HFM1: variants seen among roughly 807,000 people sequenced by gnomAD.
HFM1 encodes the protein helicase for meiosis 1, also known as probable ATP-dependent DNA helicase HFM1.
Under a neutral mutation model 192.1 loss-of-function variants are expected in HFM1, and 169 were observed. The ratio of observed to expected loss-of-function variants is 0.88; its 90% CI spans 0.78 to 1.00. The LOEUF is 1.00. HFM1 is among the 50% of genes least tolerant of loss of function. The pLI is 0.00. For synonymous variants in HFM1, 525 were observed against 537.8 expected (o/e 0.98, Z 0.33); for missense variants, 1,661 against 1,668.0 (o/e 1.00, Z 0.07).
At chr1:91,371,898 A>G (rs1571151336) in intron 13 of HFM1, among the ~76,000 whole-genome samples, 1 of 152,158 alleles carries the variant, frequency 6.6e-6, no homozygotes, top group Non-Finnish European at 1.5e-5. Context: ...CAAGAAAAAA[A>G]CAAACAACCC....
intron 13 of HFM1, among the ~76,000 whole-genome samples, chr1:91,372,123 C>A (rs1453499260): frequency 9.2e-5 from 14 of 152,176 alleles, no homozygotes; most frequent in Non-Finnish European, 1.9e-4. Flanking sequence ...AATAGGAACA[C>A]TTTTACACTG....
At chr1:91,379,417 C>T (rs930257617) in intron 8 of HFM1, among the ~76,000 whole-genome samples, 9 of 152,060 alleles carry the variant, frequency 5.9e-5, no homozygotes, top group Non-Finnish European at 1.0e-4. Context: ...GGAAGAAGAA[C>T]TGTATTGAGC....
chr1:91,367,896 G>C (rs920589939), intron 13 of HFM1, among the ~76,000 whole-genome samples: 1 of 152,156 alleles, frequency 6.6e-6, no homozygotes, highest in African/African-American at 2.4e-5. Flanking sequence ...CCAACGCAGA[G>C]AAGTCCTTAA....
chr1:91,321,813 TATACTACCCAA>T (rs1652158933), intron 23 of HFM1, among the ~76,000 whole-genome samples: 1 of 152,206 alleles, frequency 6.6e-6, no homozygotes, highest in Non-Finnish European at 1.5e-5. Context: ...ATCAAAAGAA[TATACTACCCAA>T]TTTAAGGCAA....
chr1:91,373,031 C>G (rs1660442341), intron 13 of HFM1, among the ~76,000 whole-genome samples: 1 of 151,756 alleles, frequency 6.6e-6, no homozygotes, highest in African/African-American at 2.4e-5. Context: ...CTAAGAAGAT[C>G]AAGTTAAATC....
intron 15 of HFM1, 113 bp downstream of exon 15, chr1:91,352,938 T>C (rs1045225578): frequency 2.9e-6 from 2 of 696,072 alleles, no homozygotes; most frequent in Non-Finnish European, 4.8e-6. Flanking sequence ...TAATTTTATA[T>C]TCTCAGAAGA....
chr1:91,304,110 C>T (rs1037852949), intron 30 of HFM1, among the ~76,000 whole-genome samples: 3 of 152,146 alleles, frequency 2.0e-5, no homozygotes, highest in Non-Finnish European at 4.4e-5. Context: ...CCGCCTCGGC[C>T]TCCCAAAGTG....
chr1:91,349,665 C>T (rs1656667255), intron 18 of HFM1, among the ~76,000 whole-genome samples: 1 of 152,156 alleles, frequency 6.6e-6, no homozygotes, highest in African/African-American at 2.4e-5. Flanking sequence ...CCCAGGAAAG[C>T]CTTCAGATGA....
chr1:91,361,618 A>G lies in HFM1; in HGVS notation c.1686-8319T>C, dbSNP rs554174130. ...GAAAGATCCACAGCTAAATTCTACC[A>G]TGGGTACAAAGAAAAGCTGTCACCA... On this transcript the variant is annotated intron_variant, in intron 13 of 38. Transcript: ENST00000370425. Among the ~76,000 whole-genome samples the G allele has an allele frequency of 6.6e-5, 10 of 152,310 alleles. No individual in the cohort carries two copies. In the East Asian group the frequency reaches 1.4e-3, roughly 21 times the overall value.
chr1:91,385,039 G>A (rs966373674), intron 6 of HFM1, 148 bp downstream of exon 6: 38 of 561,734 alleles, frequency 6.8e-5, no homozygotes, highest in African/African-American at 1.4e-4. Flanking sequence ...CACCGCACCC[G>A]GCCACATGTA....
At chr1:91,352,312 A>G (rs553532879) in intron 16 of HFM1, among the ~76,000 whole-genome samples, 194 bp downstream of exon 16, 1 of 151,758 alleles carries the variant, frequency 6.6e-6, no homozygotes, top group East Asian at 1.9e-4. Context: ...AGCCAAGACA[A>G]GCTTAGACAG....
rs371071817 is a variant in HFM1, at chr1:91,375,530, A to G, written c.1593T>C (p.Leu531=). The change falls in exon 12 of 39, where the codon CTT becomes CTC. Residue 531 remains leucine (L), a synonymous_variant. Coordinates refer to ENST00000370425, the MANE Select transcript of HFM1 (RefSeq NM_001017975.6). The part of the protein sequence containing the change: ...IQMYSDQKPT[L]VFCATRKGVQ... ...ATAAGCTATCAACAATCCATACCAC[A>G]AGTGTGGGTTTCTGATCAGAGTACA... 6.2e-6 allele frequency: 10 copies of G among 1,612,430 alleles called. No homozygotes were observed. Among genetic ancestry groups the G allele is most frequent in the South Asian group, 3.3e-5 (3 of 91,026 alleles).
intron 30 of HFM1, among the ~76,000 whole-genome samples, chr1:91,293,433 A>C (rs1098480): frequency 5.3e-5 from 8 of 151,574 alleles, no homozygotes; most frequent in Admixed American, 3.9e-4. Context: ...ATGCAGCCAA[A>C]AAACACATGA....
chr1:91,406,175 G>C (rs999353389), upstream of HFM1, among the ~76,000 whole-genome samples: 1 of 152,230 alleles, frequency 6.6e-6, no homozygotes, highest in African/African-American at 2.4e-5. Flanking sequence ...CCAGGAAGGA[G>C]GCCCTCGCCA....
At chr1:91,338,274 C>T (rs1654858075) in intron 20 of HFM1, among the ~76,000 whole-genome samples, 1 of 152,206 alleles carries the variant, frequency 6.6e-6, no homozygotes, top group Non-Finnish European at 1.5e-5. Flanking sequence ...CAGTGGAGTA[C>T]AGTCAGGAAT....
intron 30 of HFM1, among the ~76,000 whole-genome samples, chr1:91,301,390 ATCAAGC>A (rs1462710214): frequency 1.6e-5 from 2 of 128,354 alleles, no homozygotes; most frequent in African/African-American, 5.9e-5. Context: ...TGCCATCCCC[ATCAAGC>A]TACAAATGAC....
intron 20 of HFM1, among the ~76,000 whole-genome samples, chr1:91,340,832 T>C (rs1212014644): frequency 2.0e-5 from 3 of 151,718 alleles, no homozygotes; most frequent in South Asian, 2.1e-4. Flanking sequence ...ACCTTAACTA[T>C]CAAAAAGGAC....
At chr1:91,272,073 T>C (rs1395687010) in intron 34 of HFM1, among the ~76,000 whole-genome samples, 1 of 152,172 alleles carries the variant, frequency 6.6e-6, no homozygotes, top group Non-Finnish European at 1.5e-5. Flanking sequence ...TGCCATGCTT[T>C]TTAAAAAACA....
Position 91,267,806 on chromosome 1 carries a change from A to C in HFM1, c.3822T>G (p.Phe1274Leu). Residue 1274 changes from phenylalanine (F) to leucine (L), a missense_variant, in exon 35 of 39, where the codon TTT becomes TTG. By Grantham distance (22) the Phe-to-Leu change is conservative. Transcript: ENST00000370425. Reference sequence around the variant, plus strand: ...TAGTAACTTCTAAGTTTTCATCATCAAAATCATCCCAAACTTCATTTCCCA... The same window carrying C: ...TAGTAACTTCTAAGTTTTCATCATCCAAATCATCCCAAACTTCATTTCCCA... ...FELGNEVWDD[F>L]DDENLEVTSF... is the part of the protein sequence containing the mutation. 1.3e-6 allele frequency: 2 copies of C among 1,581,796 alleles called. No individual in the cohort carries two copies. Among genetic ancestry groups the C allele is most frequent in the Middle Eastern group, 1.7e-4 (1 of 5,988 alleles).
Sources: allele counts gnomAD v4.1 joint callset (sites outside exome capture counted in the v4.1 genomes callset), GRCh38; gene constraint gnomAD v4.1.1; transcripts MANE v1.5; gene names NCBI Gene and HGNC (gene_info 2026-07-23, HGNC 2026-07-21).